VWA8: variants seen among roughly 807,000 people sequenced by gnomAD.
VWA8 encodes the protein von Willebrand factor A domain-containing protein 8.
VWA8 carries 221 observed loss-of-function variants against 241.5 expected under a neutral mutation model. The observed-to-expected ratio is 0.91, with a 90% CI of 0.82 to 1.02. VWA8 has a LOEUF of 1.02. Ranked by LOEUF, VWA8 falls within the 50% of genes least tolerant of loss-of-function variation. VWA8 has a pLI of 0.00. For synonymous variants in VWA8, 852 were observed against 827.1 expected, an observed-to-expected ratio of 1.03 and a Z score of -0.52; for missense variants, 2,322 against 2,328.7, an observed-to-expected ratio of 1.00 and a Z score of 0.06.
chr13:41,835,625 C>G (rs1186342237), intron 12 of VWA8, among the ~76,000 whole-genome samples: 1 of 152,002 alleles, frequency 6.6e-6, no homozygotes, highest in Non-Finnish European at 1.5e-5. Context: ...CCAAAGGGAT[C>G]GCTCTCTAGA....
At chr13:41,649,013 G>A (rs958491254) in intron 37 of VWA8, among the ~76,000 whole-genome samples, 2 of 152,010 alleles carry the variant, frequency 1.3e-5, no homozygotes, top group Non-Finnish European at 2.9e-5. Context: ...GTGAAACCTC[G>A]TCTCTACTAA....
intron 19 of VWA8, 125 bp downstream of exon 19, chr13:41,783,670 C>A: frequency 1.8e-5 from 10 of 568,928 alleles, no homozygotes; most frequent in South Asian, 4.4e-5. Context: ...TTCAACACTT[C>A]ATTTTGCATC....
At chr13:41,862,812 T>C (rs965499788) in intron 12 of VWA8, among the ~76,000 whole-genome samples, 18 of 152,318 alleles carry the variant, frequency 1.2e-4, no homozygotes, top group African/African-American at 3.8e-4. Context: ...AGGGAACACT[T>C]ACACAATGCT....
At chr13:41,871,692 A>C (rs1225055151) in intron 9 of VWA8, among the ~76,000 whole-genome samples, 1 of 151,930 alleles carries the variant, frequency 6.6e-6, no homozygotes, top group East Asian at 1.9e-4. Context: ...CATTTTCTTA[A>C]TCCAGTCTAT....
chr13:41,907,779 A>G (rs1379102865), intron 3 of VWA8, 83 bp from the exon 4 acceptor site: 5 of 1,200,284 alleles, frequency 4.2e-6, no homozygotes, highest in African/African-American at 3.0e-5. Flanking sequence ...TGACAATGCC[A>G]TTGCCCATGA....
At chr13:41,913,850 C>A (rs985144650) in intron 2 of VWA8, among the ~76,000 whole-genome samples, 1 of 152,206 alleles carries the variant, frequency 6.6e-6, no homozygotes, top group African/African-American at 2.4e-5. Context: ...AGACATTCAT[C>A]CCTAGCAGGA....
chr13:41,934,043 C>T (rs1459823813), intron 2 of VWA8, among the ~76,000 whole-genome samples: 1 of 150,130 alleles, frequency 6.7e-6, no homozygotes, highest in Non-Finnish European at 1.5e-5. Context: ...AAGTCATAGA[C>T]TAGAATAACA....
chr13:41,745,694 A>G (rs1214885753), intron 21 of VWA8, among the ~76,000 whole-genome samples: 5 of 152,184 alleles, frequency 3.3e-5, no homozygotes, highest in Non-Finnish European at 7.4e-5. Context: ...CGATCACTAA[A>G]AAGTCAGTAA....
intron 42 of VWA8, among the ~76,000 whole-genome samples, chr13:41,583,521 T>C (rs2044397077): frequency 6.6e-6 from 1 of 151,724 alleles, no homozygotes; most frequent in Non-Finnish European, 1.5e-5. Flanking sequence ...CACATGCCTG[T>C]AGTCCTAGGT....
intron 12 of VWA8, among the ~76,000 whole-genome samples, chr13:41,862,834 A>G (rs1873065663): frequency 1.3e-5 from 2 of 152,224 alleles, no homozygotes; most frequent in Non-Finnish European, 2.9e-5. Flanking sequence ...GCAGCTATGT[A>G]AATTAGTTCA....
At chr13:41,913,957 C>A (rs1281523953) in intron 2 of VWA8, among the ~76,000 whole-genome samples, 1 of 152,198 alleles carries the variant, frequency 6.6e-6, no homozygotes, top group Non-Finnish European at 1.5e-5. Context: ...GTTTGTGGTC[C>A]TCGGCCAGGC....
At chr13:41,676,649 G>A (rs1324486631) in intron 35 of VWA8, among the ~76,000 whole-genome samples, 8 of 151,840 alleles carry the variant, frequency 5.3e-5, no homozygotes, top group African/African-American at 1.9e-4. Flanking sequence ...TTTGTTTTTT[G>A]GAGACAGAGT....
chr13:41,657,908 T>A (rs1432179603), intron 37 of VWA8, among the ~76,000 whole-genome samples: 1 of 152,250 alleles, frequency 6.6e-6, no homozygotes, highest in Non-Finnish European at 1.5e-5. Context: ...AAAGGTCTTG[T>A]CCTAAGACGT....
intron 43 of VWA8, among the ~76,000 whole-genome samples, chr13:41,571,987 C>T (rs1024723952): frequency 1.3e-5 from 2 of 152,178 alleles, no homozygotes; most frequent in African/African-American, 4.8e-5. Flanking sequence ...AGGAATGCCT[C>T]TGCCCGGTGG....
intron 1 of VWA8, among the ~76,000 whole-genome samples, chr13:41,954,001 A>G (rs1409945279): frequency 6.6e-6 from 1 of 152,222 alleles, no homozygotes; most frequent in Non-Finnish European, 1.5e-5. Flanking sequence ...ATTGGGAAAC[A>G]GGGTGGTGAT....
chr13:41,602,137 T>C (rs1326445567), intron 40 of VWA8, among the ~76,000 whole-genome samples: 1 of 152,240 alleles, frequency 6.6e-6, no homozygotes, highest in African/African-American at 2.4e-5. Flanking sequence ...GGTTTTAAAC[T>C]AGCCCTATCT....
chr13:41,685,321 G>C (rs2045128689), intron 34 of VWA8, 79 bp from the exon 35 acceptor site: 6 of 1,309,298 alleles, frequency 4.6e-6, no homozygotes, highest in Non-Finnish European at 6.3e-6. Context: ...AGCCCTTTAA[G>C]CAGATACTAG....
intron 5 of VWA8, among the ~76,000 whole-genome samples, chr13:41,890,372 T>C (rs12857093): frequency 6.1e-4 from 93 of 152,246 alleles, no homozygotes; most frequent in Non-Finnish European, 1.1e-3. Context: ...GGTCCTAGAA[T>C]GTACAGGCAG....
chr13:41,780,921 C>T (rs1037355384), intron 19 of VWA8, among the ~76,000 whole-genome samples: 5 of 152,140 alleles, frequency 3.3e-5, no homozygotes, highest in Admixed American at 2.6e-4. Flanking sequence ...AGAATCTCTG[C>T]TGTTCATCTA....
Sources: gnomAD v4.1 joint callset for allele counts (sites outside exome capture counted in the v4.1 genomes callset) on GRCh38, gnomAD v4.1.1 for gene constraint, MANE v1.5 for transcripts, NCBI Gene and HGNC (gene_info 2026-07-23, HGNC 2026-07-21) for gene names.